ERMAP: variants seen among roughly 807,000 people sequenced by gnomAD.
The protein encoded by ERMAP is erythroblast membrane associated protein (Scianna blood group).
ERMAP carries 34 observed loss-of-function variants against 49.5 expected under a neutral mutation model. The observed-to-expected ratio is 0.69, with a 90% confidence interval of 0.52 to 0.91. ERMAP has a LOEUF of 0.91. ERMAP is among the 40% of genes least tolerant of loss of function. The pLI, the probability that ERMAP is intolerant of heterozygous loss-of-function variation, is 0.00. For missense variants in ERMAP, 541 were observed against 582.6 expected (o/e 0.93, Z 0.74); for synonymous variants, 214 against 232.2 (o/e 0.92, Z 0.71).
rs1266718306 is a variant in ERMAP, at chr1:42,822,680, G to A, written c.-121-2943G>A. Among the ~76,000 whole-genome samples the A allele has an allele frequency of 2.0e-5, 3 of 151,984 alleles. No homozygotes were observed. In the East Asian group the frequency reaches 5.8e-4, roughly 29 times the overall value. On this transcript the variant is annotated intron_variant, in intron 1 of 11. Transcript: ENST00000372517. ...ACATAATATATTATTGTTAACTATG[G>A]TCATCCTACAGTGCTATAAAACAGT...
At position 42,843,212 on chromosome 1, in the gene ERMAP, C is replaced by T. The variant is rs1483740772; in HGVS notation, c.1408C>T (p.Leu470Phe). Residue 470 changes from leucine (L) to phenylalanine (F), a missense_variant, in exon 12 of 12, where the codon CTC (leucine) becomes TTC (phenylalanine). Leu to Phe is a conservative substitution (Grantham distance 22). Coordinates refer to ENST00000372517, the MANE Select transcript of ERMAP (RefSeq NM_001017922.2). ...TGACCTTGGCCCAGCCCTTCAGGAGCTCAAGGCTCCTTCTTTTTAGGGATA... is the reference window on the plus strand; with the variant it reads ...TGACCTTGGCCCAGCCCTTCAGGAGTTCAAGGCTCCTTCTTTTTAGGGATA... Reference protein sequence around the residue: ...PPDLGPALQELKAPSF With the variant: ...PPDLGPALQEFKAPSF The T allele has an allele frequency of 1.3e-6, 2 of 1,588,362 alleles. No homozygotes were observed. The highest frequency in any genetic ancestry group is 1.7e-6 in the Non-Finnish European group (2 of 1,169,740).
At chr1:42,817,331 C>T in intron 1 of ERMAP, 78 bp downstream of exon 1, 5 of 1,053,214 alleles carry the variant, frequency 4.7e-6, no homozygotes, top group South Asian at 4.7e-5. Context: ...GGCCGCGCGC[C>T]GGGGGGAGGG....
chr1:42,837,859 G>A (rs1243469753), intron 7 of ERMAP: 1 of 152,498 alleles, frequency 6.6e-6, no homozygotes, highest in East Asian at 1.9e-4. Flanking sequence ...ATTCAATGAT[G>A]TCAGCGTCTC....
intron 2 of ERMAP, among the ~76,000 whole-genome samples, chr1:42,828,483 T>C (rs1654619271): frequency 1.8e-5 from 1 of 54,828 alleles, no homozygotes; most frequent in Non-Finnish European, 3.4e-5. Context: ...TAGAGCTCAT[T>C]CTTTTTTTAA....
At chr1:42,827,251 C>A (rs1436610436) in intron 2 of ERMAP, among the ~76,000 whole-genome samples, 1 of 152,180 alleles carries the variant, frequency 6.6e-6, no homozygotes, top group Admixed American at 6.5e-5. Context: ...CTCACTGCAG[C>A]CTTAACCTCC....
chr1:42,839,822 T>A, intron 8 of ERMAP: 1 of 601,458 alleles, frequency 1.7e-6, no homozygotes, highest in East Asian at 2.7e-5. Flanking sequence ...TTGGCTCACA[T>A]AGGAATTTGC....
In ERMAP at chr1:42,831,030, G is replaced by C; in HGVS notation, c.348G>C (p.Val116=). ...EGSVTLQILD[V]RLEDQGSYRC... ...GTGTCACTCTGCAGATCCTTGACGTGCGCCTTGAGGACCAAGGGTCTTACC... is the reference window on the plus strand; with the variant it reads ...GTGTCACTCTGCAGATCCTTGACGTCCGCCTTGAGGACCAAGGGTCTTACC... Residue 116 remains valine (V), a synonymous_variant, in exon 4 of 12, where the codon GTG becomes GTC. Coordinates refer to ENST00000372517, the MANE Select transcript of ERMAP (RefSeq NM_001017922.2). 2 of 1,614,230 alleles carry C rather than the reference G, an allele frequency of 1.2e-6. No homozygotes were observed. Among genetic ancestry groups the C allele is most frequent in the Non-Finnish European group, 1.7e-6 (2 of 1,180,042 alleles).
intron 5 of ERMAP, 32 bp from the exon 6 acceptor site, chr1:42,835,700 A>C (rs778993311): frequency 1.2e-6 from 2 of 1,611,850 alleles, no homozygotes; most frequent in East Asian, 2.2e-5. Flanking sequence ...AGCCCTTCCT[A>C]AGCTGAGCTG....
At chr1:42,829,774 A>G (rs1358664240) in intron 2 of ERMAP, 2 of 152,374 alleles carry the variant, frequency 1.3e-5, no homozygotes, top group East Asian at 1.9e-4. Flanking sequence ...TTCCCTTCAT[A>G]GATTAAGAAC....
intron 1 of ERMAP, chr1:42,824,410 CA>C (rs1487276430): frequency 6.6e-6 from 1 of 151,712 alleles, no homozygotes; most frequent in African/African-American, 2.4e-5. Context: ...AGAAACAACC[CA>C]CATTTCTATC....
chr1:42,835,023 T>G lies in ERMAP; in HGVS notation c.434-15T>G. 9.7e-7 allele frequency: 1 copy of G among 1,029,126 alleles called. No homozygotes were observed. Among genetic ancestry groups the G allele is most frequent in the Non-Finnish European group, 1.5e-6 (1 of 645,520 alleles). 63.7% of individuals were successfully genotyped at this position (1,029,126 alleles called of 1,614,324 possible). A position where few individuals can be genotyped will look rare whatever the true frequency, so the allele number is the denominator to read the frequency against. On this transcript the variant is annotated splice_polypyrimidine_tract_variant and intron_variant, in intron 4 of 11. Coordinates refer to ENST00000372517, the MANE Select transcript of ERMAP (RefSeq NM_001017922.2). ...ACATCTCCCTGAGGTCAGTCGTTGG[T>G]GGTTTCTGTTTCAGCCCCATCTGTG...
chr1:42,835,816 T>G (rs1267103752), intron 6 of ERMAP, 52 bp downstream of exon 6: 4 of 1,587,924 alleles, frequency 2.5e-6, no homozygotes, highest in Non-Finnish European at 3.4e-6. Flanking sequence ...GTTGTTAATT[T>G]CTGTGCCCCC....
At position 42,817,261 on chromosome 1, in the gene ERMAP, T is replaced by C; in HGVS notation, c.-122+8T>C. The C allele has an allele frequency of 8.0e-7, 1 of 1,247,368 alleles. No individual in the cohort carries two copies. Among genetic ancestry groups the C allele is most frequent in the South Asian group, 1.3e-5 (1 of 76,672 alleles). 77.3% of individuals were successfully genotyped at this position (1,247,368 alleles called of 1,614,324 possible). A position where few individuals can be genotyped will look rare whatever the true frequency, so the allele number is the denominator to read the frequency against. ...GACAACGCCTCCGGGAGGGTAATCC[T>C]CGCCTTCCCCCGACCACTGGACCCA... On this transcript the variant is annotated splice_region_variant and intron_variant, in intron 1 of 11. Transcript: ENST00000372517.
In ERMAP at chr1:42,819,144, C is replaced by T. The variant is rs1012244020; in HGVS notation, c.-122+1891C>T. ...AGGTGTGATGAGTTGGTTTGGGAAA[C>T]GGTGAGGAAGAGGATAAGTTAGGAG... On this transcript the variant is annotated intron_variant, in intron 1 of 11. Coordinates refer to ENST00000372517, the MANE Select transcript of ERMAP (RefSeq NM_001017922.2). This position sits in a 1 kb window ranked among gnomAD's most constrained non-coding sequence, Gnocchi z 5.1. Among the ~76,000 whole-genome samples the T allele has an allele frequency of 4.7e-5, 7 of 148,258 alleles. No individual in the cohort carries two copies. The highest frequency in any genetic ancestry group is 1.7e-4 in the African/African-American group (7 of 40,128).
At position 42,843,771 on chromosome 1, in the gene ERMAP, G is replaced by A. The variant is rs1655136903; in HGVS notation, c.*539G>A. 1 of 291,664 alleles carries A rather than the reference G, an allele frequency of 3.4e-6. No homozygotes were observed. Among genetic ancestry groups the A allele is most frequent in the Admixed American group, 5.1e-5 (1 of 19,504 alleles). 18.1% of individuals were successfully genotyped at this position (291,664 alleles called of 1,614,324 possible). On this transcript the variant is annotated 3_prime_UTR_variant, in exon 12 of 12. Coordinates refer to ENST00000372517, the MANE Select transcript of ERMAP (RefSeq NM_001017922.2). ...GGAATGAATTGGGAAAGGCTGATGA[G>A]TAAAACATACCATCCTTTTCTATTT...
rs1382358790 is a variant in ERMAP at position 42,819,250 on chromosome 1, T to C, written c.-122+1997T>C. On this transcript the variant is annotated intron_variant, in intron 1 of 11. Coordinates refer to ENST00000372517, the MANE Select transcript of ERMAP (RefSeq NM_001017922.2). This position sits in a 1 kb window ranked among gnomAD's most constrained non-coding sequence, Gnocchi z 5.1. ...GACCGAGAGAGAGAAAGAGCTAGAT[T>C]ACGCTTCAAGTGGCAATAGGCAAGA... Among the ~76,000 whole-genome samples the C allele has an allele frequency of 6.6e-6, 1 of 150,570 alleles. No individual in the cohort carries two copies. Among genetic ancestry groups the C allele is most frequent in the Non-Finnish European group, 1.5e-5 (1 of 67,540 alleles).
At position 42,830,882 on chromosome 1, in the gene ERMAP, G is replaced by A. The variant is rs774480445; in HGVS notation, c.200G>A (p.Arg67Gln). The change falls in exon 4 of 12, where the codon CGG becomes CAG. Residue 67 changes from arginine (R) to glutamine (Q), a missense_variant. Arg to Gln is a conservative substitution (Grantham distance 43). Transcript: ENST00000372517. ...GTVPKEVRWL[R>Q]SPFPQRSQAV... is the part of the protein sequence containing the mutation. Reference sequence around the variant, plus strand: ...GTACCCAAGGAGGTGAGGTGGCTGCGGTCCCCATTCCCGCAGCGCTCCCAG... The same window carrying A: ...GTACCCAAGGAGGTGAGGTGGCTGCAGTCCCCATTCCCGCAGCGCTCCCAG... 30 of 1,613,410 alleles carry A rather than the reference G, an allele frequency of 1.9e-5. 1 individual carries two copies. The South Asian group carries it at 2.3e-4, about 12-fold the overall frequency.
intron 1 of ERMAP, among the ~76,000 whole-genome samples, chr1:42,823,289 C>T (rs1654448996): frequency 6.6e-6 from 1 of 152,068 alleles, no homozygotes; most frequent in Non-Finnish European, 1.5e-5. Context: ...GTCAACACAC[C>T]CATTGGTCAT....
chr1:42,840,664 T>C (rs1261325046), intron 11 of ERMAP, among the ~76,000 whole-genome samples: 1 of 152,238 alleles, frequency 6.6e-6, no homozygotes, highest in African/African-American at 2.4e-5. Flanking sequence ...AGATAAAGTA[T>C]ATTAGCTCTT....
Sources: gnomAD v4.1 joint callset for allele counts (sites outside exome capture counted in the v4.1 genomes callset) on GRCh38, gnomAD v4.1.1 for gene constraint, Gnocchi (gnomAD v3.1) non-coding constraint, MANE v1.5 for transcripts, NCBI Gene and HGNC (gene_info 2026-07-23, HGNC 2026-07-21) for gene names.